Variants in PDZD2 observed in about 807,000 individuals in gnomAD.
PDZD2 encodes PDZ domain-containing protein 2.
A neutral mutation model predicts 220.7 loss-of-function variants in PDZD2; 90 were observed. That is an observed-to-expected ratio of 0.41 (90% CI 0.34 to 0.49). PDZD2 has a LOEUF of 0.49. PDZD2 is among the 20% of genes least tolerant of loss of function. The pLI is 0.28. For missense variants in PDZD2, 3,174 were observed against 3,608.5 expected (o/e 0.88, Z 3.08); for synonymous variants, 1,375 against 1,450.5 (o/e 0.95, Z 1.18).
chr5:31,687,700 T>C (rs1391452825), intron 1 of PDZD2, among the ~76,000 whole-genome samples: 1 of 152,202 alleles, frequency 6.6e-6, no homozygotes, highest in African/African-American at 2.4e-5. Context: ...GCTGGACATC[T>C]GAGATCAGTG....
Position 32,015,003 on chromosome 5 carries a change from G to A in PDZD2, c.1407+4521G>A, listed in dbSNP as rs184572025. On this transcript the variant is annotated intron_variant, in intron 6 of 24. Coordinates refer to ENST00000438447, the MANE Select transcript of PDZD2 (RefSeq NM_178140.4). ...GTCGCCCAGGCTGGAGTGTAGTGGC[G>A]CAATCTCGGTTCACTGCAACCTCCG... 3.7e-4 allele frequency among the ~76,000 whole-genome samples: 54 copies of A among 145,560 alleles called. No individual in the cohort carries two copies. The East Asian group carries it at 8.1e-3, about 22-fold the overall frequency.
chr5:31,787,875 C>T (rs1412568852), intron 1 of PDZD2, among the ~76,000 whole-genome samples: 2 of 152,314 alleles, frequency 1.3e-5, no homozygotes, highest in African/African-American at 2.4e-5. Flanking sequence ...TGGGTCTTTA[C>T]GCATTTTATT....
intron 5 of PDZD2, among the ~76,000 whole-genome samples, chr5:32,008,080 A>G (rs1752978995): frequency 6.6e-6 from 1 of 150,496 alleles, no homozygotes; most frequent in South Asian, 2.1e-4. Context: ...ACTTGAGGCC[A>G]GGAGTTCGAG....
At chr5:31,840,435 TATA>T (rs1561499281) in intron 2 of PDZD2, 1,341 of 93,306 alleles carry the variant, frequency 0.014, 82 homozygotes, top group East Asian at 0.075. Flanking sequence ...TATATATATA[TATA>T]TATATATATA....
rs1292236741 is a variant in PDZD2, at chr5:31,639,618, G to A, written c.-361+181G>A. Among the ~76,000 whole-genome samples the A allele has an allele frequency of 6.6e-6, 1 of 152,160 alleles. No homozygotes were observed. The highest frequency in any genetic ancestry group is 1.5e-5 in the Non-Finnish European group (1 of 68,020). Reference sequence around the variant, plus strand: ...GCCGAACCGGGGTCCCACGTTGGGCGGCGCAAACTCCTCTAGCATCCGGCC... The same window carrying A: ...GCCGAACCGGGGTCCCACGTTGGGCAGCGCAAACTCCTCTAGCATCCGGCC... On this transcript the variant is annotated intron_variant, in intron 1 of 24. Transcript: ENST00000438447. This position sits in a 1 kb window ranked among gnomAD's most constrained non-coding sequence, Gnocchi z 4.1.
rs998456529 is a variant in PDZD2, at chr5:32,108,821, A to G, written c.*686A>G. On this transcript the variant is annotated 3_prime_UTR_variant, in exon 25 of 25. Coordinates refer to ENST00000438447, the MANE Select transcript of PDZD2 (RefSeq NM_178140.4). ...TCAACTCAATAGGTTATTGATCACC[A>G]TGAAGTATTGATCATTTTCTATCTC... The G allele has an allele frequency of 6.5e-6, 1 of 152,700 alleles. No homozygotes were observed. The highest frequency in any genetic ancestry group is 2.4e-5 in the African/African-American group (1 of 41,478). The allele number at this position is 152,700 out of a possible 1,614,324, so 9.5% of individuals were successfully genotyped here.
chr5:31,824,334 G>A lies in PDZD2; in HGVS notation c.476+24610G>A, dbSNP rs572998963. Among the ~76,000 whole-genome samples the A allele has an allele frequency of 1.3e-4, 20 of 152,186 alleles. No homozygotes were observed. In the South Asian group the frequency reaches 1.5e-3, roughly 11 times the overall value. ...TTCTACATTTGTGGTAATTTGTTAC[G>A]TAGCAATAGAAAACAAATATAATGG... On this transcript the variant is annotated intron_variant, in intron 2 of 24. Coordinates refer to ENST00000438447, the MANE Select transcript of PDZD2 (RefSeq NM_178140.4).
rs116183907 is a variant in PDZD2 at position 32,017,750 on chromosome 5, A to T, written c.1407+7268A>T. ...CAGGGAATTTAGGACTTGGTTTTTTAATGAATCAGCAGCAAAAACAAAGGA... is the reference window on the plus strand; with the variant it reads ...CAGGGAATTTAGGACTTGGTTTTTTTATGAATCAGCAGCAAAAACAAAGGA... On this transcript the variant is annotated intron_variant, in intron 6 of 24. Coordinates refer to ENST00000438447, the MANE Select transcript of PDZD2 (RefSeq NM_178140.4). Among the ~76,000 whole-genome samples, 339 of 152,328 alleles carry T rather than the reference A, an allele frequency of 2.2e-3. 2 individuals are homozygous for T. The highest frequency in any genetic ancestry group is 7.9e-3 in the African/African-American group (327 of 41,574).
At chr5:31,770,962 T>C (rs886717052) in intron 1 of PDZD2, among the ~76,000 whole-genome samples, 19 of 152,338 alleles carry the variant, frequency 1.2e-4, no homozygotes, top group African/African-American at 4.3e-4. Context: ...GTGTGTGCTT[T>C]TTTTGCTAAA....
At chr5:31,911,418 T>G (rs1186733074) in intron 2 of PDZD2, among the ~76,000 whole-genome samples, 1 of 152,232 alleles carries the variant, frequency 6.6e-6, no homozygotes, top group Non-Finnish European at 1.5e-5. Context: ...AAGCTTCTGT[T>G]CTGTGGATGC....
At chr5:31,934,225 A>G (rs1197987938) in intron 2 of PDZD2, among the ~76,000 whole-genome samples, 1 of 152,152 alleles carries the variant, frequency 6.6e-6, no homozygotes, top group African/African-American at 2.4e-5. Flanking sequence ...AAAAAAAGCT[A>G]AAGAGCAGAC....
intron 6 of PDZD2, among the ~76,000 whole-genome samples, chr5:32,013,827 G>A (rs1753514903): frequency 1.3e-5 from 2 of 152,232 alleles, no homozygotes; most frequent in African/African-American, 4.8e-5. Context: ...ACTCACGGAG[G>A]AGGTGGAACC....
At chr5:31,929,052 C>T (rs140568167) in intron 2 of PDZD2, among the ~76,000 whole-genome samples, 14 of 152,220 alleles carry the variant, frequency 9.2e-5, no homozygotes, top group African/African-American at 2.9e-4. Context: ...GAAATAAGTA[C>T]CAGAAACAAA....
intron 2 of PDZD2, among the ~76,000 whole-genome samples, chr5:31,876,037 A>G (rs74587158): frequency 0.034 from 5,106 of 152,244 alleles, 142 homozygotes; most frequent in Non-Finnish European, 0.044. Context: ...GAAGTTATTA[A>G]TTGGGAAATA....
intron 2 of PDZD2, among the ~76,000 whole-genome samples, chr5:31,849,885 TATACAC>T (rs200158743): frequency 0.017 from 629 of 37,384 alleles, 105 homozygotes; most frequent in South Asian, 0.031. Flanking sequence ...TATATATATA[TATACAC>T]ATATATATAT....
chr5:31,840,996 G>A (rs938803444), intron 2 of PDZD2: 5 of 382,214 alleles, frequency 1.3e-5, no homozygotes, highest in African/African-American at 6.3e-5. Context: ...GGAGGATGGC[G>A]GTTCCACTCA....
chr5:31,725,796 ATC>A, intron 1 of PDZD2: 1 of 951,378 alleles, frequency 1.1e-6, no homozygotes, highest in South Asian at 1.4e-5. Context: ...TTGGATTTAG[ATC>A]TTGAAAAAGA....
intron 1 of PDZD2, among the ~76,000 whole-genome samples, chr5:31,729,379 G>A (rs1194480721): frequency 6.6e-6 from 1 of 152,108 alleles, no homozygotes; most frequent in East Asian, 1.9e-4. Flanking sequence ...TTACAGGCAT[G>A]AGCCACCGTG....
intron 1 of PDZD2, among the ~76,000 whole-genome samples, chr5:31,662,289 C>T (rs373450925): frequency 3.9e-5 from 6 of 151,976 alleles, no homozygotes; most frequent in African/African-American, 7.3e-5. Flanking sequence ...CTAGCCTGGG[C>T]GACAAGGATG....
Sources: allele counts gnomAD v4.1 joint callset (sites outside exome capture counted in the v4.1 genomes callset), GRCh38; gene constraint gnomAD v4.1.1; non-coding constraint Gnocchi (gnomAD v3.1); transcripts MANE v1.5; gene names NCBI Gene and HGNC (gene_info 2026-07-23, HGNC 2026-07-21).